Variants in CPSF4 observed in about 807,000 individuals in gnomAD.
CPSF4 encodes the protein cleavage and polyadenylation specificity factor subunit 4.
CPSF4 carries 11 observed loss-of-function variants against 37.7 expected under a neutral mutation model. That is an observed-to-expected ratio of 0.29 (90% CI 0.18 to 0.48). The LOEUF (loss-of-function observed/expected upper bound fraction) is 0.48. Ranked by LOEUF, CPSF4 falls within the 20% of genes least tolerant of loss-of-function variation. CPSF4 has a pLI of 0.99. For missense variants in CPSF4, 144 were observed against 359.5 expected (o/e 0.40, Z 4.85); for synonymous variants, 132 against 135.9 (o/e 0.97, Z 0.20).
chr7:99,446,604 CTTTT>C (rs765309712), intron 2 of CPSF4, among the ~76,000 whole-genome samples: 3 of 140,798 alleles, frequency 2.1e-5, no homozygotes, highest in Non-Finnish European at 3.1e-5. Context: ...TTGGTCTTTC[CTTTT>C]TTTTTTTTTT....
Position 99,448,437 on chromosome 7 carries a change from T to C in CPSF4, c.307+164T>C. On this transcript the variant is annotated intron_variant, in intron 3 of 7. Coordinates refer to ENST00000292476, the MANE Select transcript of CPSF4 (RefSeq NM_006693.4). This position sits in a 1 kb window ranked among gnomAD's most constrained non-coding sequence, Gnocchi z 4.4. ...GCCTCAGCCAGCTTTTAGGGGACAGTGTGGCTATTTTCTGCTCATCTCTTT... is the reference window on the plus strand; with the variant it reads ...GCCTCAGCCAGCTTTTAGGGGACAGCGTGGCTATTTTCTGCTCATCTCTTT... 1.6e-6 allele frequency: 1 copy of C among 618,782 alleles called. No homozygotes were observed. Among genetic ancestry groups the C allele is most frequent in the Non-Finnish European group, 2.7e-6 (1 of 375,208 alleles). The allele number at this position is 618,782 out of a possible 1,614,324, so 38.3% of individuals were successfully genotyped here.
rs776782660 is a variant in CPSF4, at chr7:99,439,065, G to A, written c.-18G>A. On this transcript the variant is annotated 5_prime_UTR_variant, in exon 1 of 8. Transcript: ENST00000292476. ...GAGACCGAGGGGGAGCCGGGCCGGT[G>A]GGGCCGCCGCCGCCGCCATGCAGGA... 1.9e-6 allele frequency: 3 copies of A among 1,600,236 alleles called. No individual in the cohort carries two copies. Among genetic ancestry groups the A allele is most frequent in the Admixed American group, 3.4e-5 (2 of 58,812 alleles).
At chr7:99,440,454 T>C (rs558894494) in intron 1 of CPSF4, among the ~76,000 whole-genome samples, 28 of 151,614 alleles carry the variant, frequency 1.8e-4, no homozygotes, top group African/African-American at 6.8e-4. Flanking sequence ...GCTCCAGCAA[T>C]CCTCCCACCT....
intron 5 of CPSF4, among the ~76,000 whole-genome samples, chr7:99,452,073 C>G (rs1432360846): frequency 1.3e-5 from 2 of 152,104 alleles, no homozygotes; most frequent in African/African-American, 4.8e-5. Flanking sequence ...CCAGCACAGC[C>G]TTTGTCATTT....
At position 99,456,949 on chromosome 7, in the gene CPSF4, CTG is replaced by C; in HGVS notation, c.*452_*453del. On this transcript the variant is annotated 3_prime_UTR_variant, in exon 8 of 8. Transcript: ENST00000292476. Reference sequence around the variant, plus strand: ...CTCCCTGCCCTGCTGAATCCTAAAGCTGTGCCTATATCTGTGATTTGAATGAG... The same window carrying C: ...CTCCCTGCCCTGCTGAATCCTAAAGCTGCCTATATCTGTGATTTGAATGAG... 1 of 325,448 alleles carries C rather than the reference CTG, an allele frequency of 3.1e-6. No homozygotes were observed. The highest frequency in any genetic ancestry group is 6.1e-6 in the Non-Finnish European group (1 of 164,332). 20.2% of individuals were successfully genotyped at this position (325,448 alleles called of 1,614,324 possible). A position where few individuals can be genotyped will look rare whatever the true frequency, so the allele number is the denominator to read the frequency against.
chr7:99,453,972 A>T lies in CPSF4; in HGVS notation c.577A>T (p.Asn193Tyr). Residue 193 changes from asparagine (N) to tyrosine (Y), a missense_variant, in exon 7 of 8, where the codon AAC becomes TAC. Asn to Tyr is a moderately radical substitution (Grantham distance 143). Around this residue, in one of 4 missense-constraint regions of CPSF4, gnomAD observed 86 missense variants for 141.5 expected, o/e 0.61. Transcript: ENST00000292476. This position sits in a 1 kb window ranked among gnomAD's most constrained non-coding sequence, Gnocchi z 4.7. ...QQTQPPAKQSNNPPLQRSSSL... is the reference protein window; with the variant it reads ...QQTQPPAKQSYNPPLQRSSSL... The stretch of plus-strand genomic sequence containing the variant: ...GTTGTGTAACTCTTTCCAGCAAAGT[A>T]ACAATCCGCCATTACAAAGGTCGTC... 2 of 1,613,924 alleles carry T rather than the reference A, an allele frequency of 1.2e-6. No homozygotes were observed. Among genetic ancestry groups the T allele is most frequent in the Non-Finnish European group, 1.7e-6 (2 of 1,179,906 alleles).
intron 1 of CPSF4, among the ~76,000 whole-genome samples, chr7:99,444,516 C>G (rs1302333756): frequency 2.0e-5 from 3 of 152,068 alleles, no homozygotes; most frequent in Non-Finnish European, 4.4e-5. Flanking sequence ...CCCACCCACT[C>G]TTAACTCCTT....
chr7:99,441,755 C>T lies in CPSF4; in HGVS notation c.103+2570C>T, dbSNP rs78912963. Among the ~76,000 whole-genome samples, 721 of 152,050 alleles carry T rather than the reference C, an allele frequency of 4.7e-3. 7 individuals are homozygous for T. The highest frequency in any genetic ancestry group is 0.016 in the African/African-American group (661 of 41,458). On this transcript the variant is annotated intron_variant, in intron 1 of 7. Coordinates refer to ENST00000292476, the MANE Select transcript of CPSF4 (RefSeq NM_006693.4). Reference sequence around the variant, plus strand: ...TTACCCAGGCTGGAGCACAGTGACGCGATCTTGGCTCACTGCAACCTCTGC... The same window carrying T: ...TTACCCAGGCTGGAGCACAGTGACGTGATCTTGGCTCACTGCAACCTCTGC...
chr7:99,450,923 C>A, intron 5 of CPSF4, 128 bp downstream of exon 5: 1 of 668,476 alleles, frequency 1.5e-6, no homozygotes, highest in Non-Finnish European at 2.6e-6. Context: ...AGGGTGGGGG[C>A]AGGAGATGGG....
At chr7:99,452,671 C>T in intron 6 of CPSF4, 1 of 547,884 alleles carries the variant, frequency 1.8e-6, no homozygotes, top group Admixed American at 3.1e-5. Flanking sequence ...GCAGCAGACA[C>T]AGTCCAGGCG....
At chr7:99,443,285 G>A (rs931825060) in intron 1 of CPSF4, 21 of 796,228 alleles carry the variant, frequency 2.6e-5, no homozygotes, top group Non-Finnish European at 3.6e-5. Flanking sequence ...TTTTCAGGGG[G>A]TTCTTCCTAT....
At chr7:99,449,170 A>G (rs899375408) in intron 3 of CPSF4, 1 of 152,330 alleles carries the variant, frequency 6.6e-6, no homozygotes, top group East Asian at 1.9e-4. Flanking sequence ...AGTGCAGGGT[A>G]TGCTTCATGC....
At chr7:99,443,510 C>T (rs558813613) in intron 1 of CPSF4, 22 of 737,700 alleles carry the variant, frequency 3.0e-5, no homozygotes, top group African/African-American at 8.6e-5. Context: ...GTTACCCCTC[C>T]GGGTGTGCTC....
Position 99,448,098 on chromosome 7 carries a change from C to A in CPSF4, c.155-23C>A, listed in dbSNP as rs377229226. On this transcript the variant is annotated intron_variant, in intron 2 of 7. Transcript: ENST00000292476. The surrounding 1 kb of genome is among the most constrained non-coding windows in gnomAD (Gnocchi z 4.4). ...GCTCAGGGTGGCCTCTCTGCTGACA[C>A]CCTGTCCCTATCTTGCCGGCAGGGG... The A allele has an allele frequency of 2.5e-6, 4 of 1,612,398 alleles. No homozygotes were observed. The highest frequency in any genetic ancestry group is 3.4e-6 in the Non-Finnish European group (4 of 1,179,240).
chr7:99,440,469 C>T (rs1796805305), intron 1 of CPSF4, among the ~76,000 whole-genome samples: 1 of 151,832 alleles, frequency 6.6e-6, no homozygotes, highest in Admixed American at 6.6e-5. Flanking sequence ...CCACCTCAGT[C>T]TCCCAAGTAG....
intron 1 of CPSF4, chr7:99,441,458 C>T (rs1050838960): frequency 2.2e-6 from 1 of 456,160 alleles, no homozygotes; most frequent in African/African-American, 2.0e-5. Context: ...AGTCGGTAGG[C>T]ACCCTCCACA....
intron 3 of CPSF4, 143 bp from the exon 4 acceptor site, chr7:99,450,133 A>C: frequency 1.5e-6 from 1 of 681,176 alleles, no homozygotes; most frequent in Non-Finnish European, 2.7e-6. Flanking sequence ...CTGCACAGGA[A>C]GCTGGGGCTC....
At chr7:99,440,567 G>T (rs1006566048) in intron 1 of CPSF4, among the ~76,000 whole-genome samples, 2 of 149,514 alleles carry the variant, frequency 1.3e-5, no homozygotes, top group African/African-American at 5.0e-5. Flanking sequence ...TGTTTCCCAG[G>T]GTTGGTCTTG....
At chr7:99,450,641 A>G in intron 4 of CPSF4, 61 bp from the exon 5 acceptor site, 1 of 1,349,102 alleles carries the variant, frequency 7.4e-7, no homozygotes, top group South Asian at 1.2e-5. Flanking sequence ...ATTTGAAACC[A>G]TGCTCCAGCT....
Sources: gnomAD v4.1 joint callset for allele counts (sites outside exome capture counted in the v4.1 genomes callset) on GRCh38, gnomAD v4.1.1 for gene constraint, gnomAD v4.1.1 regional missense constraint, Gnocchi (gnomAD v3.1) non-coding constraint, MANE v1.5 for transcripts, NCBI Gene and HGNC (gene_info 2026-07-23, HGNC 2026-07-21) for gene names.